Variants in EXOC3 observed in about 807,000 individuals in gnomAD.
EXOC3 encodes exocyst complex component 3.
Under a neutral mutation model 73.7 loss-of-function variants are expected in EXOC3, and 21 were observed. The observed-to-expected ratio is 0.29, with a 90% CI of 0.20 to 0.41. EXOC3 has a LOEUF of 0.41. Among genes scored for constraint, EXOC3 ranks in the 10% least tolerant of loss-of-function variants. The pLI is 1.00. For synonymous variants in EXOC3, 410 were observed against 389.1 expected, an observed-to-expected ratio of 1.05 and a Z score of -0.63; for missense variants, 842 against 985.1, an observed-to-expected ratio of 0.85 and a Z score of 1.95.
chr5:443,804 G>A (rs865837652), intron 1 of EXOC3, among the ~76,000 whole-genome samples: 1 of 137,608 alleles, frequency 7.3e-6, no homozygotes, highest in Non-Finnish European at 1.6e-5. Context: ...CCTCTTGACG[G>A]TGTCCCCCCC....
chr5:446,771 C>T (rs550944392), intron 2 of EXOC3, among the ~76,000 whole-genome samples: 5 of 151,996 alleles, frequency 3.3e-5, no homozygotes, highest in African/African-American at 9.7e-5. Context: ...GCAAGAGAAT[C>T]GCTTGAACCC....
rs962674255 is a variant in EXOC3, at chr5:462,014, C to A, written c.1446C>A (p.His482Gln). The change falls in exon 8 of 13, where the codon CAC (histidine) becomes CAA (glutamine). Residue 482 changes from histidine to glutamine, a missense_variant. Coordinates refer to ENST00000512944, the MANE Select transcript of EXOC3 (RefSeq NM_007277.5). ...YKEEHLRNRQ[H>Q]PHCYVQYMIA... ...AAGAGCACCTGAGGAATCGGCAGCA[C>A]CCTCACTGCTACGTTCAGTACATGA... The A allele has an allele frequency of 6.2e-7, 1 of 1,607,692 alleles. No homozygotes were observed. The highest frequency in any genetic ancestry group is 8.5e-7 in the Non-Finnish European group (1 of 1,176,920).
chr5:448,228 C>T (rs928559609), intron 3 of EXOC3, among the ~76,000 whole-genome samples: 1 of 152,322 alleles, frequency 6.6e-6, no homozygotes, highest in South Asian at 2.1e-4. Context: ...AGGGCAGAGG[C>T]GGGGCTGAGC....
chr5:461,843 T>C, intron 7 of EXOC3, 117 bp from the exon 8 acceptor site: 1 of 669,404 alleles, frequency 1.5e-6, no homozygotes, highest in Middle Eastern at 2.5e-4. Flanking sequence ...TTTTAGAGGC[T>C]CATCCGGTCA....
intron 6 of EXOC3, 116 bp downstream of exon 6, chr5:458,141 A>AT: frequency 9.1e-7 from 1 of 1,104,384 alleles, no homozygotes; most frequent in Non-Finnish European, 1.3e-6. Flanking sequence ...TAGTAAAAAT[A>AT]TTGAGAGCCC....
Sources: allele counts gnomAD v4.1 joint callset (sites outside exome capture counted in the v4.1 genomes callset), GRCh38; gene constraint gnomAD v4.1.1; transcripts MANE v1.5; gene names NCBI Gene and HGNC (gene_info 2026-07-23, HGNC 2026-07-21).